Variants in UST observed in about 807,000 individuals in gnomAD.
UST encodes chondroitin sulfate 2-O-sulfotransferase.
Under a neutral mutation model 45.6 loss-of-function variants are expected in UST, and 21 were observed. The observed-to-expected ratio is 0.46, with a 90% CI of 0.33 to 0.66. The LOEUF is 0.66. Among genes scored for constraint, UST ranks in the 30% least tolerant of loss-of-function variants. The pLI is 0.02. For synonymous variants in UST, 215 were observed against 200.6 expected (o/e 1.07, Z -0.61); for missense variants, 463 against 512.4 (o/e 0.90, Z 0.93).
intron 2 of UST, among the ~76,000 whole-genome samples, chr6:148,922,580 G>A (rs926473761): frequency 1.6e-5 from 2 of 127,298 alleles, no homozygotes; most frequent in African/African-American, 3.0e-5. Context: ...GCTCCCTCTC[G>A]CGGGTTCACA....
At chr6:148,813,448 C>G (rs946124048) in intron 1 of UST, among the ~76,000 whole-genome samples, 1 of 151,536 alleles carries the variant, frequency 6.6e-6, no homozygotes, top group Non-Finnish European at 1.5e-5. Context: ...GTGGCACGAT[C>G]TCAGCTCACC....
rs12175315 is a variant in UST at position 149,070,100 on chromosome 6, A to C, written c.938-3733A>C. Among the ~76,000 whole-genome samples the C allele has an allele frequency of 2.2e-4, 33 of 152,208 alleles. No homozygotes were observed. In the East Asian group the frequency reaches 5.8e-3, roughly 27 times the overall value. ...TAATTTAAGTAATGAATTTATTTTA[A>C]ATCACAGGAGTCTTACTTTTTTGTG... is the stretch of plus-strand genomic sequence containing the variant. On this transcript the variant is annotated intron_variant, in intron 7 of 7. Coordinates refer to ENST00000367463, the MANE Select transcript of UST (RefSeq NM_005715.3).
chr6:148,918,675 G>A lies in UST; in HGVS notation c.292-22604G>A, dbSNP rs73778960. ...TATATTTTATGATTAGGCTCCGCCAGATGGCTCCTACCATACATAATAAAA... is the reference window on the plus strand; with the variant it reads ...TATATTTTATGATTAGGCTCCGCCAAATGGCTCCTACCATACATAATAAAA... On this transcript the variant is annotated intron_variant, in intron 2 of 7. Coordinates refer to ENST00000367463, the MANE Select transcript of UST (RefSeq NM_005715.3). 2.6e-5 allele frequency among the ~76,000 whole-genome samples: 4 copies of A among 152,198 alleles called. No individual in the cohort carries two copies. In the East Asian group the frequency reaches 7.7e-4, roughly 29 times the overall value.
chr6:148,869,746 C>T (rs566496037), intron 1 of UST, among the ~76,000 whole-genome samples: 1 of 152,224 alleles, frequency 6.6e-6, no homozygotes, highest in Non-Finnish European at 1.5e-5. Context: ...TTTGAAACAT[C>T]CGGTAGAATG....
intron 1 of UST, among the ~76,000 whole-genome samples, chr6:148,860,149 T>A (rs1215306809): frequency 6.6e-6 from 1 of 152,252 alleles, no homozygotes; most frequent in Non-Finnish European, 1.5e-5. Context: ...CTTCCATTTG[T>A]TTGTGTCCTC....
At chr6:148,901,555 C>CTTT (rs11438263) in intron 2 of UST, among the ~76,000 whole-genome samples, 33 of 130,324 alleles carry the variant, frequency 2.5e-4, no homozygotes, top group African/African-American at 9.0e-4. Context: ...ACCCGTGTCA[C>CTTT]TTTTTTTTTT....
At chr6:148,806,738 G>A (rs1257148760) in intron 1 of UST, among the ~76,000 whole-genome samples, 3 of 152,188 alleles carry the variant, frequency 2.0e-5, no homozygotes, top group Admixed American at 2.0e-4. Flanking sequence ...GAGATTGTGG[G>A]GCTGCATTTG....
chr6:148,879,359 C>G (rs181912208), intron 1 of UST, among the ~76,000 whole-genome samples: 1 of 152,286 alleles, frequency 6.6e-6, no homozygotes, highest in African/African-American at 2.4e-5. Flanking sequence ...TGAAGATGAG[C>G]CTCGGTAAAA....
chr6:149,031,103 A>C (rs1038907000), intron 7 of UST, among the ~76,000 whole-genome samples: 4 of 151,956 alleles, frequency 2.6e-5, no homozygotes, highest in Admixed American at 6.6e-5. Context: ...GCTACTCAGG[A>C]GGCTGAGGCA....
At chr6:148,812,568 C>A (rs537234549) in intron 1 of UST, among the ~76,000 whole-genome samples, 3 of 152,306 alleles carry the variant, frequency 2.0e-5, no homozygotes, top group South Asian at 2.1e-4. Context: ...GAGGGCTTCA[C>A]TGGGGCTGGA....
intron 1 of UST, among the ~76,000 whole-genome samples, chr6:148,858,529 G>T (rs1248460336): frequency 1.3e-5 from 2 of 151,420 alleles, no homozygotes; most frequent in Non-Finnish European, 2.9e-5. Context: ...TTAAGTTCTA[G>T]GGTACATGTG....
At chr6:148,943,035 G>A (rs1780160082) in intron 3 of UST, among the ~76,000 whole-genome samples, 1 of 152,112 alleles carries the variant, frequency 6.6e-6, no homozygotes, top group Admixed American at 6.5e-5. Context: ...AGTAGGGGCA[G>A]GTTCTCTTTG....
intron 1 of UST, among the ~76,000 whole-genome samples, chr6:148,875,524 T>C (rs987016811): frequency 6.6e-6 from 1 of 152,224 alleles, no homozygotes; most frequent in Non-Finnish European, 1.5e-5. Flanking sequence ...TATAACTGGC[T>C]GGGTGCGGTG....
chr6:148,834,083 C>T (rs1777742327), intron 1 of UST, among the ~76,000 whole-genome samples: 1 of 152,076 alleles, frequency 6.6e-6, no homozygotes, highest in Non-Finnish European at 1.5e-5. Flanking sequence ...CATTTATTGT[C>T]TCCATGGTTT....
At chr6:148,800,714 G>A (rs1021146815) in intron 1 of UST, among the ~76,000 whole-genome samples, 4 of 151,264 alleles carry the variant, frequency 2.6e-5, no homozygotes, top group African/African-American at 7.3e-5. Context: ...ACAGAATGCA[G>A]CCTCCTCACC....
Position 148,970,048 on chromosome 6 carries a change from G to A in UST, c.681+5485G>A, listed in dbSNP as rs571612555. 7.9e-5 allele frequency among the ~76,000 whole-genome samples: 12 copies of A among 152,330 alleles called. No homozygotes were observed. The East Asian group carries it at 2.1e-3, about 27-fold the overall frequency. On this transcript the variant is annotated intron_variant, in intron 5 of 7. Transcript: ENST00000367463. ...ATGCAAGCCATCCAGGAGCATGGAG[G>A]ACCAGGAAGCCCCAGCTTCAGAGAT...
intron 1 of UST, among the ~76,000 whole-genome samples, chr6:148,837,452 G>C (rs1777807152): frequency 6.6e-6 from 1 of 152,186 alleles, no homozygotes; most frequent in Admixed American, 6.5e-5. Flanking sequence ...AAAGGAGATG[G>C]GAGAGATGTC....
At chr6:149,050,691 A>G (rs994769877) in intron 7 of UST, among the ~76,000 whole-genome samples, 1 of 152,194 alleles carries the variant, frequency 6.6e-6, no homozygotes, top group Non-Finnish European at 1.5e-5. Flanking sequence ...AAAACTTTGG[A>G]CTTTTCTTTG....
At chr6:148,829,162 G>A (rs932241904) in intron 1 of UST, among the ~76,000 whole-genome samples, 1 of 152,022 alleles carries the variant, frequency 6.6e-6, no homozygotes, top group Admixed American at 6.6e-5. Context: ...TGGATGGATG[G>A]ATGGATGGAT....
Sources: allele counts gnomAD v4.1 joint callset (sites outside exome capture counted in the v4.1 genomes callset), GRCh38; gene constraint gnomAD v4.1.1; transcripts MANE v1.5; gene names NCBI Gene and HGNC (gene_info 2026-07-23, HGNC 2026-07-21).